The following MYO18B variants were observed in gnomAD, a reference collection of about 807,000 sequenced individuals.
MYO18B encodes the protein unconventional myosin-XVIIIb.
A neutral mutation model predicts 273.0 loss-of-function variants in MYO18B; 204 were observed. That is an observed-to-expected ratio of 0.75 (90% CI 0.67 to 0.84). The LOEUF is 0.84. Ranked by LOEUF, MYO18B falls within the 40% of genes least tolerant of loss-of-function variation. MYO18B has a pLI of 0.00. For synonymous variants in MYO18B, 1,330 were observed against 1,305.7 expected, an observed-to-expected ratio of 1.02 and a Z score of -0.40; for missense variants, 3,212 against 3,287.6, an observed-to-expected ratio of 0.98 and a Z score of 0.56.
At chr22:25,982,107 A>T (rs6004862) in intron 39 of MYO18B, among the ~76,000 whole-genome samples, 44,438 of 152,006 alleles carry the variant, frequency 0.29, 9,017 homozygotes, top group African/African-American at 0.56. Flanking sequence ...TTATTTGCTA[A>T]CATGAGAGCA....
At chr22:25,969,117 C>A (rs543907490) in intron 39 of MYO18B, among the ~76,000 whole-genome samples, 1 of 152,164 alleles carries the variant, frequency 6.6e-6, no homozygotes, top group Non-Finnish European at 1.5e-5. Flanking sequence ...TTCCCATAGA[C>A]CTCCCCTTCT....
chr22:26,026,775 G>C lies in MYO18B; in HGVS notation c.6801G>C (p.Gly2267=), dbSNP rs1936273886. The C allele has an allele frequency of 6.2e-7, 1 of 1,608,162 alleles. No individual in the cohort carries two copies. Among genetic ancestry groups the C allele is most frequent in the Non-Finnish European group, 8.5e-7 (1 of 1,177,408 alleles). The part of the protein sequence containing the change: ...LRRKRAQRGQ[G]STLGLEDWPT... The stretch of plus-strand genomic sequence containing the variant: ...GGAAGAGAGCCCAGAGAGGCCAGGG[G>C]TCCACGCTGGGCCTAGAGGACTGGC... Residue 2267 remains glycine, a synonymous_variant, in exon 43 of 44, where the codon GGG becomes GGC. Transcript: ENST00000335473.
At chr22:25,785,310 G>A (rs1255859410) in intron 10 of MYO18B, 118 bp from the exon 11 acceptor site, 7 of 896,140 alleles carry the variant, frequency 7.8e-6, no homozygotes, top group Non-Finnish European at 1.2e-5. Context: ...GCCAGGGACA[G>A]GGACAGCCCC....
Position 25,933,876 on chromosome 22 carries a change from G to A in MYO18B, c.5518-12261G>A, listed in dbSNP as rs78197971. Reference sequence around the variant, plus strand: ...AGAAGTGTGGTATCTCTGGGTCATAGTACACATGGTTTTTGTCTTTAGCAG... The same window carrying A: ...AGAAGTGTGGTATCTCTGGGTCATAATACACATGGTTTTTGTCTTTAGCAG... On this transcript the variant is annotated intron_variant, in intron 34 of 43. Coordinates refer to ENST00000335473, the MANE Select transcript of MYO18B (RefSeq NM_032608.7). Among the ~76,000 whole-genome samples, 828 of 152,250 alleles carry A rather than the reference G, an allele frequency of 5.4e-3. 9 individuals are homozygous for A. Among genetic ancestry groups the A allele is most frequent in the African/African-American group, 0.018 (762 of 41,544 alleles).
In MYO18B at chr22:25,781,715, C is replaced by T. The variant is rs1290787461; in HGVS notation, c.2212-19C>T. Reference sequence around the variant, plus strand: ...TGTACCCAAAGCACTGACTGGGTGCCCCTCTTCTCTCCCTGCAGACAATGC... The same window carrying T: ...TGTACCCAAAGCACTGACTGGGTGCTCCTCTTCTCTCCCTGCAGACAATGC... On this transcript the variant is annotated intron_variant, in intron 9 of 43. Coordinates refer to ENST00000335473, the MANE Select transcript of MYO18B (RefSeq NM_032608.7). 1.3e-6 allele frequency: 2 copies of T among 1,496,304 alleles called. No homozygotes were observed. The highest frequency in any genetic ancestry group is 1.4e-5 in the South Asian group (1 of 71,840). 92.7% of individuals were successfully genotyped at this position (1,496,304 alleles called of 1,614,324 possible). A position where few individuals can be genotyped will look rare whatever the true frequency, so the allele number is the denominator to read the frequency against.
At chr22:25,785,337 T>TTG in intron 10 of MYO18B, 91 bp from the exon 11 acceptor site, 1 of 1,288,782 alleles carries the variant, frequency 7.8e-7, no homozygotes, top group Non-Finnish European at 1.1e-6. Flanking sequence ...GTCCGGGCAG[T>TTG]TGTGTGGAGC....
In MYO18B at chr22:26,004,784, G is replaced by A. The variant is rs773905915; in HGVS notation, c.6399G>A (p.Leu2133=). ...GSLQSWLSCT[L]SLATDTMRTP... The stretch of plus-strand genomic sequence containing the variant: ...TGCAGTCCTGGTTGAGCTGTACTCT[G>A]TCCCTGGCCACAGATACTATGAGGA... Residue 2133 remains leucine, a synonymous_variant, in exon 42 of 44, where the codon CTG becomes CTA. Coordinates refer to ENST00000335473, the MANE Select transcript of MYO18B (RefSeq NM_032608.7). 6.2e-7 allele frequency: 1 copy of A among 1,613,926 alleles called. No homozygotes were observed. Among genetic ancestry groups the A allele is most frequent in the Non-Finnish European group, 8.5e-7 (1 of 1,179,840 alleles).
chr22:25,785,276 C>T, intron 10 of MYO18B, among the ~76,000 whole-genome samples, 152 bp from the exon 11 acceptor site: 1 of 152,146 alleles, frequency 6.6e-6, no homozygotes, highest in Non-Finnish European at 1.5e-5. Flanking sequence ...GAAGATATCC[C>T]AGGGCAGAGT....
chr22:26,004,577 C>T, intron 41 of MYO18B, 141 bp from the exon 42 acceptor site: 1 of 1,018,474 alleles, frequency 9.8e-7, no homozygotes, highest in African/African-American at 1.6e-5. Flanking sequence ...AGCACTGGCT[C>T]CTACCTCTCT....
intron 40 of MYO18B, among the ~76,000 whole-genome samples, chr22:26,001,317 G>T (rs561499258): frequency 6.6e-6 from 1 of 152,318 alleles, no homozygotes; most frequent in East Asian, 1.9e-4. Flanking sequence ...ATTTACAAAG[G>T]TGTGAGGAAG....
At chr22:25,975,112 A>G (rs373798144) in intron 39 of MYO18B, among the ~76,000 whole-genome samples, 1 of 152,202 alleles carries the variant, frequency 6.6e-6, no homozygotes, top group African/African-American at 2.4e-5. Flanking sequence ...GGACCTGGCA[A>G]GAGTCAATGG....
intron 42 of MYO18B, among the ~76,000 whole-genome samples, chr22:26,008,047 T>C (rs1448682465): frequency 1.3e-5 from 2 of 152,226 alleles, no homozygotes; most frequent in African/African-American, 4.8e-5. Flanking sequence ...ATTATATAAT[T>C]ACATGTAATG....
intron 12 of MYO18B, among the ~76,000 whole-genome samples, chr22:25,822,824 C>G (rs111953126): frequency 6.6e-6 from 1 of 152,202 alleles, no homozygotes; most frequent in Non-Finnish European, 1.5e-5. Flanking sequence ...GGAAACGTGA[C>G]TGGGGGGACT....
intron 39 of MYO18B, among the ~76,000 whole-genome samples, chr22:25,989,136 T>C (rs1441134140): frequency 6.6e-6 from 1 of 151,990 alleles, no homozygotes; most frequent in Non-Finnish European, 1.5e-5. Flanking sequence ...ATGGGCAAGG[T>C]TCACCTAAGC....
At chr22:25,871,476 C>T (rs2146166836) in intron 22 of MYO18B, among the ~76,000 whole-genome samples, 1 of 152,254 alleles carries the variant, frequency 6.6e-6, no homozygotes, top group South Asian at 2.1e-4. Context: ...CTTGGCGGTA[C>T]CAGATATGGA....
intron 40 of MYO18B, among the ~76,000 whole-genome samples, chr22:25,999,274 T>C (rs71321073): frequency 5.7e-4 from 87 of 152,274 alleles, no homozygotes; most frequent in Non-Finnish European, 1.1e-3. Context: ...TCCTTTCCCT[T>C]GTCAAGGTCT....
chr22:25,788,008 C>A (rs531212346), intron 11 of MYO18B, among the ~76,000 whole-genome samples: 1 of 152,218 alleles, frequency 6.6e-6, no homozygotes, highest in East Asian at 1.9e-4. Flanking sequence ...CCCAACCTGA[C>A]CTGTTTGTTA....
chr22:25,908,327 C>T lies in MYO18B; in HGVS notation c.5154C>T (p.Arg1718=), dbSNP rs1216023671. The part of the protein sequence containing the change: ...ENTIKQLEQL[R]QRFELEIERM... ...TGTCCTTGCTGCCCCCGCAGCTCCG[C>T]CAGCGGTTTGAGCTGGAGATCGAGC... The change falls in exon 32 of 44, where the codon CGC becomes CGT. Residue 1718 remains arginine (R), a synonymous_variant. Transcript: ENST00000335473. 4 of 1,580,734 alleles carry T rather than the reference C, an allele frequency of 2.5e-6. No homozygotes were observed. Among genetic ancestry groups the T allele is most frequent in the Non-Finnish European group, 3.4e-6 (4 of 1,163,588 alleles).
chr22:25,899,404 A>G (rs1237370163), intron 29 of MYO18B: 1 of 152,216 alleles, frequency 6.6e-6, no homozygotes, highest in African/African-American at 2.4e-5. Context: ...AAGGCCCATG[A>G]TAAAATACAG....
Sources: allele counts gnomAD v4.1 joint callset (sites outside exome capture counted in the v4.1 genomes callset), GRCh38; gene constraint gnomAD v4.1.1; transcripts MANE v1.5; gene names NCBI Gene and HGNC (gene_info 2026-07-23, HGNC 2026-07-21).